The following EPHA4 variants were observed in gnomAD, a reference collection of about 807,000 sequenced individuals.
EPHA4 encodes EPH receptor A4.
EPHA4 carries 19 observed loss-of-function variants against 108.3 expected under a neutral mutation model. That is an observed-to-expected ratio of 0.18 (90% CI 0.12 to 0.26). The LOEUF (loss-of-function observed/expected upper bound fraction) is 0.26. Among genes scored for constraint, EPHA4 ranks in the 10% least tolerant of loss-of-function variants. EPHA4 has a pLI of 1.00. For synonymous variants in EPHA4, 449 were observed against 455.5 expected, an observed-to-expected ratio of 0.99 and a Z score of 0.18; for missense variants, 917 against 1,254.0, an observed-to-expected ratio of 0.73 and a Z score of 4.06.
chr2:221,547,166 G>A (rs781265137), intron 3 of EPHA4, among the ~76,000 whole-genome samples: 1 of 152,098 alleles, frequency 6.6e-6, no homozygotes, highest in Non-Finnish European at 1.5e-5. Context: ...TAAATGGATT[G>A]CTTTCCAAAT....
At chr2:221,567,016 A>T (rs542656687) in intron 2 of EPHA4, among the ~76,000 whole-genome samples, 8 of 150,832 alleles carry the variant, frequency 5.3e-5, no homozygotes, top group Non-Finnish European at 1.2e-4. Flanking sequence ...GAAGAAAAAA[A>T]TGTCTGCAGC....
At chr2:221,492,044 G>A (rs1355962275) in intron 4 of EPHA4, among the ~76,000 whole-genome samples, 1 of 152,048 alleles carries the variant, frequency 6.6e-6, no homozygotes, top group East Asian at 1.9e-4. Context: ...CACCCCAGGG[G>A]ATCTCAGAAA....
chr2:221,454,582 A>G (rs2106115978), intron 8 of EPHA4, among the ~76,000 whole-genome samples: 1 of 152,294 alleles, frequency 6.6e-6, no homozygotes, highest in African/African-American at 2.4e-5. Context: ...CAACAGCCCC[A>G]TCTTGTGAAA....
At position 221,522,603 on chromosome 2, in the gene EPHA4, C is replaced by CA. The variant is rs572336280; in HGVS notation, c.824-21432dup. ...CCCACTCTCACCCCAAAATGTGTTT[C>CA]AAACAAGGTTTCCCACACTTCATTT... On this transcript the variant is annotated intron_variant, in intron 3 of 17. Transcript: ENST00000281821. Among the ~76,000 whole-genome samples, 114 of 152,272 alleles carry CA rather than the reference C, an allele frequency of 7.5e-4. No individual in the cohort carries two copies. The Middle Eastern group carries it at 0.024, about 32-fold the overall frequency.
intron 4 of EPHA4, among the ~76,000 whole-genome samples, chr2:221,483,656 C>T (rs141622833): frequency 3.4e-3 from 519 of 152,118 alleles, no homozygotes; most frequent in African/African-American, 0.012. Context: ...GCTGAAAATA[C>T]AGGTGTGTGC....
intron 3 of EPHA4, among the ~76,000 whole-genome samples, chr2:221,526,044 G>A (rs992557027): frequency 2.6e-5 from 4 of 152,144 alleles, no homozygotes; most frequent in Non-Finnish European, 4.4e-5. Context: ...AATATTTATT[G>A]AAGAATTATG....
intron 9 of EPHA4, among the ~76,000 whole-genome samples, chr2:221,444,132 T>C (rs1335876573): frequency 6.6e-6 from 1 of 151,530 alleles, no homozygotes; most frequent in African/African-American, 2.4e-5. Context: ...TATCAGCTAG[T>C]TGATTTGAGA....
In EPHA4 at chr2:221,426,679, A is replaced by T. The variant is rs1425554271; in HGVS notation, c.2691-60T>A. ...AGCTACCAGTGAGACAAGAAGACTC[A>T]GAAATCTGATTGCCTCAAATAGGCA... On this transcript the variant is annotated intron_variant, in intron 15 of 17. Coordinates refer to ENST00000281821, the MANE Select transcript of EPHA4 (RefSeq NM_004438.5). 9 of 1,484,726 alleles carry T rather than the reference A, an allele frequency of 6.1e-6. No homozygotes were observed. The East Asian group carries it at 2.1e-4, about 35-fold the overall frequency. 92.0% of individuals were successfully genotyped at this position (1,484,726 alleles called of 1,614,324 possible).
At chr2:221,539,879 C>T (rs1271845729) in intron 3 of EPHA4, among the ~76,000 whole-genome samples, 1 of 152,074 alleles carries the variant, frequency 6.6e-6, no homozygotes, top group Non-Finnish European at 1.5e-5. Context: ...CATTTATTGG[C>T]ACTTGGCACT....
intron 3 of EPHA4, among the ~76,000 whole-genome samples, chr2:221,507,917 A>C (rs900701953): frequency 2.6e-5 from 4 of 152,206 alleles, no homozygotes; most frequent in Admixed American, 1.3e-4. Flanking sequence ...TTCTTCTCAG[A>C]GTCTAGCATG....
chr2:221,490,204 AAAT>A (rs563197411), intron 4 of EPHA4, among the ~76,000 whole-genome samples: 4 of 150,802 alleles, frequency 2.7e-5, no homozygotes, highest in African/African-American at 7.3e-5. Flanking sequence ...AAGCTAAGCA[AAAT>A]AATAATAATA....
chr2:221,430,537 ACT>A (rs995982915), intron 14 of EPHA4, among the ~76,000 whole-genome samples: 3 of 151,446 alleles, frequency 2.0e-5, no homozygotes, highest in Non-Finnish European at 4.4e-5. Context: ...CGCAAAAGAG[ACT>A]CTGACTTAGT....
intron 7 of EPHA4, among the ~76,000 whole-genome samples, chr2:221,455,923 C>G (rs1690935396): frequency 6.6e-6 from 1 of 152,168 alleles, no homozygotes; most frequent in African/African-American, 2.4e-5. Context: ...AGATTCAACT[C>G]TACTTTCTCT....
chr2:221,427,110 C>A (rs1261098974), intron 15 of EPHA4, among the ~76,000 whole-genome samples: 1 of 152,220 alleles, frequency 6.6e-6, no homozygotes, highest in African/African-American at 2.4e-5. Context: ...TCAAGTCCAG[C>A]ATGCTTCCAG....
At position 221,545,200 on chromosome 2, in the gene EPHA4, C is replaced by T. The variant is rs537410701; in HGVS notation, c.823+18531G>A. Among the ~76,000 whole-genome samples the T allele has an allele frequency of 9.9e-5, 15 of 151,972 alleles. No homozygotes were observed. The South Asian group carries it at 3.1e-3, about 32-fold the overall frequency. On this transcript the variant is annotated intron_variant, in intron 3 of 17. Transcript: ENST00000281821. ...CGGTGGCTCACGCCTTTAATCCCAG[C>T]ACTTTGGGAGACCGAGGTGGGCGGA...
At chr2:221,464,808 GCA>G (rs1691257447) in intron 5 of EPHA4, among the ~76,000 whole-genome samples, 2 of 152,166 alleles carry the variant, frequency 1.3e-5, no homozygotes, top group African/African-American at 2.4e-5. Flanking sequence ...ATCCACACAA[GCA>G]CAGTTTCTCA....
intron 2 of EPHA4, among the ~76,000 whole-genome samples, chr2:221,568,473 C>G (rs878924814): frequency 6.6e-6 from 1 of 152,208 alleles, no homozygotes; most frequent in African/African-American, 2.4e-5. Flanking sequence ...GCATCTAAGT[C>G]TGTGCCTCCA....
At chr2:221,518,182 C>A (rs1203563694) in intron 3 of EPHA4, among the ~76,000 whole-genome samples, 1 of 152,170 alleles carries the variant, frequency 6.6e-6, no homozygotes, top group East Asian at 1.9e-4. Flanking sequence ...AGATCTGAAA[C>A]TGTTCATGCT....
At chr2:221,548,308 G>C (rs1694059560) in intron 3 of EPHA4, among the ~76,000 whole-genome samples, 2 of 151,776 alleles carry the variant, frequency 1.3e-5, no homozygotes. Flanking sequence ...AGTGAGCCAA[G>C]ATCACAGATC....
Sources: allele counts gnomAD v4.1 joint callset (sites outside exome capture counted in the v4.1 genomes callset), GRCh38; gene constraint gnomAD v4.1.1; transcripts MANE v1.5; gene names NCBI Gene and HGNC (gene_info 2026-07-23, HGNC 2026-07-21).